SYCP1: variants seen among roughly 807,000 people sequenced by gnomAD.
SYCP1 encodes cancer/testis antigen 8.
In SYCP1, 64 loss-of-function variants were observed where a neutral mutation model predicts 153.1. The ratio of observed to expected loss-of-function variants is 0.42; its 90% CI spans 0.34 to 0.51. The LOEUF (loss-of-function observed/expected upper bound fraction) is 0.51. Among genes scored for constraint, SYCP1 ranks in the 20% least tolerant of loss-of-function variants. The probability of loss-of-function intolerance (pLI) is 0.06; values close to 1 mark genes in which losing one functional copy is unlikely to be tolerated. For missense variants in SYCP1, 997 were observed against 1,049.0 expected, an observed-to-expected ratio of 0.95 and a Z score of 0.68; for synonymous variants, 384 against 341.8, an observed-to-expected ratio of 1.12 and a Z score of -1.36.
chr1:114,884,473 C>G (rs779095968), intron 12 of SYCP1, among the ~76,000 whole-genome samples: 6 of 152,172 alleles, frequency 3.9e-5, no homozygotes, highest in Non-Finnish European at 8.8e-5. Flanking sequence ...CTTGACTGAT[C>G]TTATTTGGCT....
intron 29 of SYCP1, 131 bp downstream of exon 29, chr1:114,981,643 T>C: frequency 2.4e-6 from 2 of 827,848 alleles, no homozygotes; most frequent in South Asian, 2.0e-5. Context: ...TTTTTTGTGG[T>C]ATCAGCATGA....
At chr1:114,885,196 A>C (rs1380357309) in intron 12 of SYCP1, among the ~76,000 whole-genome samples, 1 of 152,132 alleles carries the variant, frequency 6.6e-6, no homozygotes, top group Non-Finnish European at 1.5e-5. Flanking sequence ...TAATCAATAA[A>C]ATTTGTATTA....
At chr1:114,893,056 T>A (rs1666829606) in intron 15 of SYCP1, among the ~76,000 whole-genome samples, 1 of 152,176 alleles carries the variant, frequency 6.6e-6, no homozygotes, top group Non-Finnish European at 1.5e-5. Flanking sequence ...TCCTGACACA[T>A]CTCTTTTGAA....
chr1:114,925,671 G>C (rs931371154), intron 21 of SYCP1, among the ~76,000 whole-genome samples: 3 of 151,908 alleles, frequency 2.0e-5, no homozygotes, highest in Admixed American at 1.3e-4. Flanking sequence ...TATCTCATTG[G>C]ATTGTTGCAA....
intron 23 of SYCP1, 125 bp downstream of exon 23, chr1:114,926,688 G>A: frequency 1.3e-6 from 1 of 788,136 alleles, no homozygotes; most frequent in Non-Finnish European, 1.9e-6. Context: ...TTGAAAAGTT[G>A]AAAGGTTGTT....
intron 23 of SYCP1, among the ~76,000 whole-genome samples, chr1:114,937,969 C>T (rs1670131100): frequency 6.6e-6 from 1 of 152,140 alleles, no homozygotes; most frequent in African/African-American, 2.4e-5. Flanking sequence ...GTAGTTCAAC[C>T]ATTGTGGAAG....
intron 23 of SYCP1, among the ~76,000 whole-genome samples, chr1:114,926,785 G>C (rs1435055489): frequency 1.3e-5 from 2 of 151,924 alleles, no homozygotes; most frequent in Admixed American, 6.6e-5. Flanking sequence ...CTTAAGCTTG[G>C]ATTCAAGCAG....
At chr1:114,976,465 A>C (rs1416656994) in intron 27 of SYCP1, among the ~76,000 whole-genome samples, 1 of 151,848 alleles carries the variant, frequency 6.6e-6, no homozygotes, top group East Asian at 1.9e-4. Context: ...TACCTTGGAA[A>C]CATATATTAT....
chr1:114,989,179 CA>C (rs1673738884), intron 30 of SYCP1, among the ~76,000 whole-genome samples: 1 of 151,334 alleles, frequency 6.6e-6, no homozygotes, highest in Non-Finnish European at 1.5e-5. Context: ...CAAAACAAAA[CA>C]AAAAACCAAA....
At chr1:114,959,673 ATTCT>A (rs529070578) in intron 27 of SYCP1, among the ~76,000 whole-genome samples, 145 of 151,986 alleles carry the variant, frequency 9.5e-4, no homozygotes, top group African/African-American at 3.4e-3. Context: ...TATCTTATTC[ATTCT>A]TTCTATTTTT....
intron 4 of SYCP1, 32 bp from the exon 5 acceptor site, chr1:114,857,412 G>A: frequency 1.3e-6 from 2 of 1,569,392 alleles, no homozygotes; most frequent in Non-Finnish European, 8.7e-7. Flanking sequence ...CTTATCAGAA[G>A]TATTTTCTTA....
intron 27 of SYCP1, among the ~76,000 whole-genome samples, chr1:114,976,957 G>T (rs556693298): frequency 2.0e-5 from 3 of 151,760 alleles, no homozygotes; most frequent in South Asian, 2.1e-4. Flanking sequence ...AAAATTTTGT[G>T]CTTCAGATGG....
intron 15 of SYCP1, among the ~76,000 whole-genome samples, chr1:114,889,276 G>A (rs1318318962): frequency 6.6e-6 from 1 of 152,106 alleles, no homozygotes; most frequent in Non-Finnish European, 1.5e-5. Flanking sequence ...TTGAGGAATC[G>A]CCTCACTGTC....
intron 12 of SYCP1, among the ~76,000 whole-genome samples, chr1:114,880,211 T>C (rs988095546): frequency 2.4e-4 from 36 of 152,226 alleles, no homozygotes; most frequent in African/African-American, 8.7e-4. Context: ...AACCACCATC[T>C]TTCTTCTCCA....
chr1:114,953,985 A>G (rs1671270670), intron 27 of SYCP1, among the ~76,000 whole-genome samples: 1 of 152,164 alleles, frequency 6.6e-6, no homozygotes. Flanking sequence ...TTCATTATAT[A>G]GCCTCTAAAC....
intron 27 of SYCP1, among the ~76,000 whole-genome samples, chr1:114,959,908 A>G (rs968903830): frequency 1.3e-5 from 2 of 152,122 alleles, no homozygotes; most frequent in East Asian, 1.9e-4. Context: ...TGCTGCTGCA[A>G]ATCACAGGAT....
intron 23 of SYCP1, among the ~76,000 whole-genome samples, chr1:114,935,707 A>G (rs1030086168): frequency 3.7e-4 from 56 of 152,218 alleles, no homozygotes; most frequent in Non-Finnish European, 2.1e-4. Context: ...TGCAATAAAA[A>G]ATGATAAAGG....
In SYCP1 at chr1:114,872,446, T is replaced by C. The variant is rs142261287; in HGVS notation, c.599-2060T>C. On this transcript the variant is annotated intron_variant, in intron 8 of 31. Transcript: ENST00000369522. ...TTTTTGCTCCTCTGTAGGTAAAATG[T>C]TTTTTTCCTCTAGCTTTATCTTTGA... is the stretch of plus-strand genomic sequence containing the variant. Among the ~76,000 whole-genome samples, 44 of 152,282 alleles carry C rather than the reference T, an allele frequency of 2.9e-4. No homozygotes were observed. In the East Asian group the frequency reaches 7.9e-3, roughly 27 times the overall value.
intron 27 of SYCP1, among the ~76,000 whole-genome samples, chr1:114,967,849 C>A (rs1325004437): frequency 6.6e-6 from 1 of 152,100 alleles, no homozygotes; most frequent in Non-Finnish European, 1.5e-5. Context: ...TTAGTGCTTC[C>A]TTCAGGAGCT....
Sources: allele counts gnomAD v4.1 joint callset (sites outside exome capture counted in the v4.1 genomes callset), GRCh38; gene constraint gnomAD v4.1.1; transcripts MANE v1.5; gene names NCBI Gene and HGNC (gene_info 2026-07-23, HGNC 2026-07-21).